The following PPIP5K1 variants were observed in gnomAD, a reference collection of about 807,000 sequenced individuals.
The protein encoded by PPIP5K1 is diphosphoinositol pentakisphosphate kinase 1.
Under a neutral mutation model 27.7 loss-of-function variants are expected in PPIP5K1, and 6 were observed. The observed-to-expected ratio is 0.22, with a 90% CI of 0.12 to 0.43. The LOEUF (loss-of-function observed/expected upper bound fraction) is 0.43. PPIP5K1 is among the 20% of genes least tolerant of loss of function. PPIP5K1 has a pLI of 1.00. For synonymous variants in PPIP5K1, 145 were observed against 242.6 expected (o/e 0.60, Z 3.74); for missense variants, 394 against 635.4 (o/e 0.62, Z 4.08).
Position 43,533,681 on chromosome 15 carries a change from C to A in PPIP5K1, c.*993G>T, listed in dbSNP as rs1349366502. 6.6e-6 allele frequency: 1 copy of A among 152,276 alleles called. No homozygotes were observed. Among genetic ancestry groups the A allele is most frequent in the Non-Finnish European group, 1.5e-5 (1 of 68,014 alleles). The allele number at this position is 152,276 out of a possible 1,614,324, so 9.4% of individuals were successfully genotyped here. ...TGGTCTTTGGCCAGTCTGTCCCTGG[C>A]ACAACTACAGAAATAAATATATATA... On this transcript the variant is annotated 3_prime_UTR_variant, in exon 32 of 32. Coordinates refer to ENST00000420765, the MANE Select transcript of PPIP5K1 (RefSeq NM_001394395.1).
At chr15:43,552,036 C>T (rs1035049021) in intron 30 of PPIP5K1, among the ~76,000 whole-genome samples, 7 of 151,850 alleles carry the variant, frequency 4.6e-5, no homozygotes, top group East Asian at 3.9e-4. Context: ...TCACTGCAAC[C>T]TCTCCCTTCC....
chr15:43,555,883 G>A (rs1217920235), intron 30 of PPIP5K1, among the ~76,000 whole-genome samples: 2 of 152,144 alleles, frequency 1.3e-5, no homozygotes, highest in Non-Finnish European at 2.9e-5. Context: ...TAGGATTACA[G>A]GCGTGAGCCA....
intron 30 of PPIP5K1, among the ~76,000 whole-genome samples, chr15:43,546,850 G>T (rs1232715144): frequency 6.7e-6 from 1 of 149,184 alleles, no homozygotes; most frequent in African/African-American, 2.5e-5. Flanking sequence ...GTGGAGACAA[G>T]GTTTCACCAT....
intron 30 of PPIP5K1, among the ~76,000 whole-genome samples, chr15:43,557,828 C>A (rs900466747): frequency 1.4e-5 from 2 of 147,742 alleles, no homozygotes; most frequent in East Asian, 4.0e-4. Context: ...CCATGCATAG[C>A]CTTTTTTTTT....
At position 43,536,131 on chromosome 15, in the gene PPIP5K1, T is replaced by C. The variant is rs1047832804; in HGVS notation, c.3671-655A>G. On this transcript the variant is annotated intron_variant, in intron 31 of 31. Coordinates refer to ENST00000420765, the MANE Select transcript of PPIP5K1 (RefSeq NM_001394395.1). ...TCAGAACAATAGGAAAGAAAATGGT[T>C]TACCTGGCTGGGTGCGGTGGCTCAC... 3.9e-6 allele frequency: 5 copies of C among 1,285,282 alleles called. No individual in the cohort carries two copies. In the African/African-American group the frequency reaches 7.6e-5, roughly 20 times the overall value. The allele number at this position is 1,285,282 out of a possible 1,614,324, so 79.6% of individuals were successfully genotyped here.
rs1566991884 is a variant in PPIP5K1, at chr15:43,534,972, ACCT to A, written c.4172_4174del (p.Glu1391del). 1 of 1,613,822 alleles carries A rather than the reference ACCT, an allele frequency of 6.2e-7. No individual in the cohort carries two copies. Among genetic ancestry groups the A allele is most frequent in the East Asian group, 2.2e-5 (1 of 44,842 alleles). ...AGAGACCCCCTGGCATGGCTGGCTGACCTCCTCGGAGTTCTCCAGACATAGCTG... is the reference window on the plus strand; with the variant it reads ...AGAGACCCCCTGGCATGGCTGGCTGACCTCGGAGTTCTCCAGACATAGCTG... On this transcript the variant is annotated inframe_deletion, in exon 32 of 32. Coordinates refer to ENST00000420765, the MANE Select transcript of PPIP5K1 (RefSeq NM_001394395.1).
intron 30 of PPIP5K1, among the ~76,000 whole-genome samples, chr15:43,544,916 C>T (rs188128355): frequency 7.9e-5 from 12 of 152,238 alleles, no homozygotes; most frequent in African/African-American, 2.2e-4. Flanking sequence ...TGGTGGCTCA[C>T]GCCTGTAATT....
In PPIP5K1 at chr15:43,533,644, C is replaced by A. The variant is rs2079502109; in HGVS notation, c.*1030G>T. On this transcript the variant is annotated 3_prime_UTR_variant, in exon 32 of 32. Transcript: ENST00000420765. The stretch of plus-strand genomic sequence containing the variant: ...GATATAAGGACAAATTTCTTGGGGA[C>A]CCTGCAGTGTTTGGTCTTTGGCCAG... 2 of 152,456 alleles carry A rather than the reference C, an allele frequency of 1.3e-5. No individual in the cohort carries two copies. Among genetic ancestry groups the A allele is most frequent in the East Asian group, 3.8e-4 (2 of 5,200 alleles). The allele number at this position is 152,456 out of a possible 1,614,324, so 9.4% of individuals were successfully genotyped here.
chr15:43,544,384 G>A (rs939572040), intron 30 of PPIP5K1, among the ~76,000 whole-genome samples: 1 of 151,990 alleles, frequency 6.6e-6, no homozygotes, highest in Non-Finnish European at 1.5e-5. Context: ...CAGATGCATA[G>A]TATTCAATTG....
chr15:43,540,849 G>A (rs2080589322), intron 30 of PPIP5K1, among the ~76,000 whole-genome samples: 1 of 117,042 alleles, frequency 8.5e-6, no homozygotes, highest in Admixed American at 1.0e-4. Flanking sequence ...GCGACAGAGA[G>A]AGACTCTGTC....
At chr15:43,543,397 C>T (rs566548216) in intron 30 of PPIP5K1, among the ~76,000 whole-genome samples, 5 of 151,040 alleles carry the variant, frequency 3.3e-5, no homozygotes, top group Non-Finnish European at 5.9e-5. Flanking sequence ...CACATGTACC[C>T]TAAAACTTAA....
intron 30 of PPIP5K1, among the ~76,000 whole-genome samples, chr15:43,541,101 T>C (rs72711855): frequency 1.4e-4 from 22 of 152,208 alleles, no homozygotes; most frequent in Non-Finnish European, 2.5e-4. Context: ...TCTAGAATAG[T>C]GCAGCCTCTC....
At chr15:43,554,409 A>C (rs966718523) in intron 30 of PPIP5K1, among the ~76,000 whole-genome samples, 2 of 152,102 alleles carry the variant, frequency 1.3e-5, no homozygotes, top group Non-Finnish European at 2.9e-5. Context: ...CAGCCTCCCA[A>C]GTAACTAAGA....
At chr15:43,553,296 C>T (rs544457903) in intron 30 of PPIP5K1, among the ~76,000 whole-genome samples, 2 of 151,540 alleles carry the variant, frequency 1.3e-5, no homozygotes, top group South Asian at 4.2e-4. Flanking sequence ...TCTGTTAGGT[C>T]GAGTTGGTTT....
At chr15:43,539,913 C>T (rs1051703127) in intron 30 of PPIP5K1, among the ~76,000 whole-genome samples, 2 of 152,152 alleles carry the variant, frequency 1.3e-5, no homozygotes, top group African/African-American at 4.8e-5. Context: ...AAATGACAGA[C>T]ATTATGAAAC....
intron 30 of PPIP5K1, among the ~76,000 whole-genome samples, chr15:43,549,369 A>G (rs1389015932): frequency 6.6e-6 from 1 of 152,150 alleles, no homozygotes; most frequent in Non-Finnish European, 1.5e-5. Context: ...GCTGGTGTAT[A>G]TAAACACAAT....
At chr15:43,546,909 T>C (rs1297456742) in intron 30 of PPIP5K1, among the ~76,000 whole-genome samples, 2 of 152,170 alleles carry the variant, frequency 1.3e-5, no homozygotes, top group Admixed American at 6.5e-5. Context: ...TCCGCCCACC[T>C]TGGCCTCCCA....
chr15:43,559,650 A>G (rs1402124697), intron 29 of PPIP5K1, among the ~76,000 whole-genome samples: 1 of 152,090 alleles, frequency 6.6e-6, no homozygotes, highest in African/African-American at 2.4e-5. Context: ...TGCCCTAGAA[A>G]AAAGAAAAAG....
At chr15:43,554,826 T>C (rs556832224) in intron 30 of PPIP5K1, among the ~76,000 whole-genome samples, 58 of 151,972 alleles carry the variant, frequency 3.8e-4, no homozygotes, top group Non-Finnish European at 7.2e-4. Context: ...ATTGACATTG[T>C]TAGAGTAAAT....
Sources: allele counts gnomAD v4.1 joint callset (sites outside exome capture counted in the v4.1 genomes callset), GRCh38; gene constraint gnomAD v4.1.1; transcripts MANE v1.5; gene names NCBI Gene and HGNC (gene_info 2026-07-23, HGNC 2026-07-21).